The following SUPT3H variants were observed in gnomAD, a reference collection of about 807,000 sequenced individuals.
SUPT3H encodes the protein transcription initiation protein SPT3 homolog.
A neutral mutation model predicts 44.3 loss-of-function variants in SUPT3H; 44 were observed. That is an observed-to-expected ratio of 0.99 (90% CI 0.78 to 1.28). SUPT3H has a LOEUF of 1.28. Ranked by LOEUF, SUPT3H falls within the 50% of genes most tolerant of loss-of-function variation. The pLI, the probability that SUPT3H is intolerant of heterozygous loss-of-function variation, is 0.00. For missense variants in SUPT3H, 380 were observed against 387.1 expected (o/e 0.98, Z 0.15); for synonymous variants, 124 against 125.6 (o/e 0.99, Z 0.09).
At chr6:45,348,149 G>A (rs1413067556) in intron 2 of SUPT3H, among the ~76,000 whole-genome samples, 1 of 151,896 alleles carries the variant, frequency 6.6e-6, no homozygotes, top group Non-Finnish European at 1.5e-5. Flanking sequence ...GAAAAAAGGG[G>A]CATACTTACA....
At chr6:44,887,446 A>G (rs1369066678) in intron 10 of SUPT3H, among the ~76,000 whole-genome samples, 4 of 152,224 alleles carry the variant, frequency 2.6e-5, no homozygotes, top group Non-Finnish European at 5.9e-5. Flanking sequence ...ATCAAACTAG[A>G]ACTCAGGATT....
At chr6:44,929,922 T>C (rs1770271851) in intron 10 of SUPT3H, among the ~76,000 whole-genome samples, 1 of 152,130 alleles carries the variant, frequency 6.6e-6, no homozygotes, top group Non-Finnish European at 1.5e-5. Flanking sequence ...CTGAAACCTG[T>C]GTCACCCTGG....
chr6:45,215,851 C>T (rs1444967231), intron 2 of SUPT3H, among the ~76,000 whole-genome samples: 1 of 151,970 alleles, frequency 6.6e-6, no homozygotes, highest in Non-Finnish European at 1.5e-5. Context: ...TAGACTGAAC[C>T]CAAAAATATC....
At chr6:45,325,050 T>C (rs1012594037) in intron 2 of SUPT3H, among the ~76,000 whole-genome samples, 8 of 150,958 alleles carry the variant, frequency 5.3e-5, no homozygotes, top group African/African-American at 1.7e-4. Context: ...AAAAGAAAAA[T>C]TGTCAAAAAA....
chr6:44,984,121 A>G (rs1219704507), intron 6 of SUPT3H, among the ~76,000 whole-genome samples: 1 of 152,186 alleles, frequency 6.6e-6, no homozygotes, highest in East Asian at 1.9e-4. Flanking sequence ...AAGGTTGCCT[A>G]GAAGCCTCTA....
chr6:45,179,613 A>G (rs950849368), intron 2 of SUPT3H, among the ~76,000 whole-genome samples: 19 of 152,300 alleles, frequency 1.2e-4, no homozygotes, highest in Non-Finnish European at 2.2e-4. Context: ...TATCAACGGA[A>G]CCAAAGACAA....
chr6:45,219,079 C>T (rs942479181), intron 2 of SUPT3H, among the ~76,000 whole-genome samples: 1 of 151,752 alleles, frequency 6.6e-6, no homozygotes, highest in African/African-American at 2.4e-5. Flanking sequence ...GACAACACAC[C>T]AAAATATGTT....
chr6:44,952,473 C>G (rs867316334), intron 9 of SUPT3H, among the ~76,000 whole-genome samples: 13 of 152,006 alleles, frequency 8.6e-5, no homozygotes, highest in Middle Eastern at 3.4e-3. Flanking sequence ...CAAGGTATGG[C>G]TATAAAACAG....
intron 2 of SUPT3H, among the ~76,000 whole-genome samples, chr6:45,354,983 G>GT (rs922610137): frequency 1.3e-5 from 2 of 151,750 alleles, no homozygotes; most frequent in Admixed American, 6.6e-5. Context: ...GCACTTTGAG[G>GT]TTTTTTTTGG....
At chr6:44,902,567 C>CCA (rs1253927983) in intron 10 of SUPT3H, among the ~76,000 whole-genome samples, 2 of 151,770 alleles carry the variant, frequency 1.3e-5, no homozygotes, top group African/African-American at 2.4e-5. Context: ...ACTTAGACTC[C>CCA]CACAATAATA....
chr6:45,066,477 GA>G, intron 3 of SUPT3H, among the ~76,000 whole-genome samples: 1 of 63,102 alleles, frequency 1.6e-5, no homozygotes, highest in Non-Finnish European at 3.1e-5. Flanking sequence ...TTAGGCAGTA[GA>G]AGGAAATAAA....
At chr6:44,833,063 TTA>T (rs915747611) in intron 10 of SUPT3H, among the ~76,000 whole-genome samples, 5 of 152,190 alleles carry the variant, frequency 3.3e-5, no homozygotes, top group East Asian at 1.9e-4. Context: ...TTACTGCGTA[TTA>T]TGTTTGCCAT....
intron 9 of SUPT3H, among the ~76,000 whole-genome samples, chr6:44,945,490 A>T (rs59945128): frequency 0.12 from 18,258 of 152,244 alleles, 1,435 homozygotes; most frequent in East Asian, 0.27. Flanking sequence ...GAAGAAAATT[A>T]AAAAATGCTG....
chr6:45,004,882 G>A (rs576964945), intron 5 of SUPT3H, among the ~76,000 whole-genome samples: 6 of 152,130 alleles, frequency 3.9e-5, no homozygotes, highest in South Asian at 4.2e-4. Flanking sequence ...CCTTCTTAAC[G>A]GCTGTGTAAT....
Position 44,932,652 on chromosome 6 carries a change from C to A in SUPT3H, c.912+1G>T. On this transcript the variant is annotated splice_donor_variant, in intron 10 of 10. Transcript: ENST00000371459. LOFTEE classifies it high-confidence loss of function. Reference sequence around the variant, plus strand: ...CTTTTTATAACTCTGTTATTACGTACTGTGAATGGGGAAAGTGGGCCAATC... The same window carrying A: ...CTTTTTATAACTCTGTTATTACGTAATGTGAATGGGGAAAGTGGGCCAATC... 1 of 1,600,358 alleles carries A rather than the reference C, an allele frequency of 6.2e-7. No homozygotes were observed. Among genetic ancestry groups the A allele is most frequent in the Non-Finnish European group, 8.5e-7 (1 of 1,171,684 alleles).
At chr6:45,189,131 AAAAAT>A (rs1814736154) in intron 2 of SUPT3H, among the ~76,000 whole-genome samples, 1 of 152,198 alleles carries the variant, frequency 6.6e-6, no homozygotes, top group African/African-American at 2.4e-5. Context: ...AGAACTTAAA[AAAAAT>A]AAAATAAAAT....
intron 2 of SUPT3H, among the ~76,000 whole-genome samples, chr6:45,171,723 T>TTC (rs1020008913): frequency 7.2e-6 from 1 of 139,676 alleles, no homozygotes; most frequent in Non-Finnish European, 1.5e-5. Flanking sequence ...CTTTTTTTTT[T>TTC]TTTTTTTTTT....
At chr6:45,053,217 C>CT (rs34936776) in intron 3 of SUPT3H, among the ~76,000 whole-genome samples, 79,610 of 145,152 alleles carry the variant, frequency 0.55, 21,828 homozygotes, top group East Asian at 0.71. Context: ...TTTGTTTTGC[C>CT]TTTTTTTTTT....
chr6:45,338,698 C>G (rs1446979811), intron 2 of SUPT3H, among the ~76,000 whole-genome samples: 1 of 152,056 alleles, frequency 6.6e-6, no homozygotes, highest in Non-Finnish European at 1.5e-5. Context: ...TTCAGCTATA[C>G]TATTTCGTTT....
Sources: allele counts gnomAD v4.1 joint callset (sites outside exome capture counted in the v4.1 genomes callset), GRCh38; gene constraint gnomAD v4.1.1; transcripts MANE v1.5; gene names NCBI Gene and HGNC (gene_info 2026-07-23, HGNC 2026-07-21).